FLT4: variants seen among roughly 807,000 people sequenced by gnomAD.
FLT4 encodes the protein vascular endothelial growth factor receptor 3.
A neutral mutation model predicts 163.2 loss-of-function variants in FLT4; 30 were observed. The observed-to-expected ratio is 0.18, with a 90% CI of 0.14 to 0.25. The LOEUF is 0.25. FLT4 is among the 10% of genes least tolerant of loss of function. The pLI is 1.00. For synonymous variants in FLT4, 884 were observed against 789.5 expected (o/e 1.12, Z -2.01); for missense variants, 1,510 against 1,863.8 (o/e 0.81, Z 3.50).
chr5:180,614,688 A>G (rs1002839912), intron 23 of FLT4, among the ~76,000 whole-genome samples: 3 of 147,134 alleles, frequency 2.0e-5, no homozygotes, highest in Non-Finnish European at 4.6e-5. Context: ...CCTGAGGGCC[A>G]GGGCCCTTCT....
chr5:180,644,648 C>A (rs955399561), intron 1 of FLT4, among the ~76,000 whole-genome samples: 1 of 152,248 alleles, frequency 6.6e-6, no homozygotes. Context: ...ATAAGGTCTG[C>A]GTGACGAGGT....
intron 11 of FLT4, 95 bp from the exon 12 acceptor site, chr5:180,622,934 C>CA (rs1015036854): frequency 1.5e-5 from 12 of 789,112 alleles, no homozygotes; most frequent in Admixed American, 8.0e-5. Flanking sequence ...CACCACCCCC[C>CA]CCAATCATGG....
rs1764019520 is a variant in FLT4 at position 180,630,503 on chromosome 5, G to C, written c.400+52C>G. On this transcript the variant is annotated intron_variant, in intron 3 of 29. Transcript: ENST00000261937. The surrounding 1 kb of genome is among the most constrained non-coding windows in gnomAD (Gnocchi z 6.3). ...GGGTCCACAGGCTGGGGGCGGTGTG[G>C]GCCCCAGCTGCCCGGGACCCTGCTC... 3.1e-6 allele frequency: 5 copies of C among 1,608,752 alleles called. No individual in the cohort carries two copies. The highest frequency in any genetic ancestry group is 3.4e-6 in the Non-Finnish European group (4 of 1,178,672).
At chr5:180,605,899 G>A (rs1416564302) in intron 29 of FLT4, among the ~76,000 whole-genome samples, 1 of 152,228 alleles carries the variant, frequency 6.6e-6, no homozygotes, top group African/African-American at 2.4e-5. Context: ...GCTGGATGAT[G>A]TAACCCAGGA....
chr5:180,642,894 A>G, intron 1 of FLT4, among the ~76,000 whole-genome samples: 1 of 152,192 alleles, frequency 6.6e-6, no homozygotes, highest in East Asian at 1.9e-4. Context: ...GCGTGCACCG[A>G]GCACTGTCCA....
chr5:180,606,246 T>C (rs76015700), intron 29 of FLT4, among the ~76,000 whole-genome samples: 2,949 of 152,104 alleles, frequency 0.019, 58 homozygotes, highest in Middle Eastern at 0.048. Flanking sequence ...CTTCTGGAAC[T>C]TTCTTCTTCC....
At chr5:180,629,655 C>G (rs746763754) in intron 6 of FLT4, 41 bp downstream of exon 6, 1 of 1,601,708 alleles carries the variant, frequency 6.2e-7, no homozygotes, top group African/African-American at 1.3e-5. Context: ...GTCACAGGGA[C>G]TCCTGGGGAC....
In FLT4 at chr5:180,616,898, A is replaced by G; in HGVS notation, c.3096+2T>C. 6.2e-7 allele frequency: 1 copy of G among 1,611,948 alleles called. No individual in the cohort carries two copies. The highest frequency in any genetic ancestry group is 1.3e-5 in the African/African-American group (1 of 74,928). ...TCTGAAGGGCCTTCGGGGGAAGCTC[A>G]CCTTTCGGGAAGCCAGGAACTCCAT... is the stretch of plus-strand genomic sequence containing the variant. On this transcript the variant is annotated splice_donor_variant, in intron 22 of 29. Transcript: ENST00000261937. LOFTEE classifies it high-confidence loss of function.
chr5:180,613,986 C>A, intron 24 of FLT4, 82 bp downstream of exon 24: 1 of 984,086 alleles, frequency 1.0e-6, no homozygotes, highest in Non-Finnish European at 1.6e-6. Flanking sequence ...TGCCCAGTCC[C>A]TTACTCCAGC....
intron 29 of FLT4, among the ~76,000 whole-genome samples, chr5:180,605,450 T>C (rs961852608): frequency 1.3e-5 from 2 of 152,206 alleles, no homozygotes; most frequent in Non-Finnish European, 2.9e-5. Context: ...TTTTGAACAA[T>C]TGTCTACCGG....
rs1763320612 is a variant in FLT4 at position 180,623,367 on chromosome 5, G to C, written c.1549-528C>G. Among the ~76,000 whole-genome samples the C allele has an allele frequency of 6.6e-6, 1 of 152,176 alleles. No homozygotes were observed. Among genetic ancestry groups the C allele is most frequent in the Admixed American group, 6.5e-5 (1 of 15,278 alleles). ...GGCTCCCAGAAGGACTGAGGCCTCA[G>C]GGAGTAGGAAGCCTGAGACACAGGG... On this transcript the variant is annotated intron_variant, in intron 11 of 29. Transcript: ENST00000261937. The surrounding 1 kb of genome is among the most constrained non-coding windows in gnomAD (Gnocchi z 5.8).
At chr5:180,650,085 G>C (rs529393195), upstream of FLT4, among the ~76,000 whole-genome samples, 72 of 150,884 alleles carry the variant, frequency 4.8e-4, no homozygotes, top group Admixed American at 1.1e-3. Flanking sequence ...TTCTCGGGGG[G>C]GCTGAGGCAG....
chr5:180,640,414 C>G (rs10479473), intron 1 of FLT4, among the ~76,000 whole-genome samples: 1 of 152,108 alleles, frequency 6.6e-6, no homozygotes, highest in African/African-American at 2.4e-5. Flanking sequence ...GGCAGAGGCT[C>G]AGGCCAGACC....
chr5:180,608,367 G>GC, intron 29 of FLT4: 1 of 699,828 alleles, frequency 1.4e-6, no homozygotes, highest in Admixed American at 2.0e-5. Flanking sequence ...TCCTGACCCT[G>GC]CCCCCTTGTC....
chr5:180,614,826 T>C (rs1762512210), intron 23 of FLT4, among the ~76,000 whole-genome samples: 1 of 152,142 alleles, frequency 6.6e-6, no homozygotes, highest in South Asian at 2.1e-4. Flanking sequence ...CTGGGCTGGA[T>C]GGCTCATCAA....
Position 180,636,423 on chromosome 5 carries a change from C to T in FLT4, c.59-4645G>A, listed in dbSNP as rs1764696559. Among the ~76,000 whole-genome samples the T allele has an allele frequency of 6.6e-6, 1 of 152,128 alleles. No individual in the cohort carries two copies. The highest frequency in any genetic ancestry group is 6.5e-5 in the Admixed American group (1 of 15,272). On this transcript the variant is annotated intron_variant, in intron 1 of 29. Transcript: ENST00000261937. The surrounding 1 kb of genome is among the most constrained non-coding windows in gnomAD (Gnocchi z 4.3). ...GAACTCCTCGCAGCCACCTGCCCTC[C>T]CTACAGCAGTCCCTCTGAGGGTCCT...
intron 29 of FLT4, among the ~76,000 whole-genome samples, chr5:180,604,484 C>T (rs1282465899): frequency 6.6e-6 from 1 of 152,224 alleles, no homozygotes; most frequent in Non-Finnish European, 1.5e-5. Flanking sequence ...CCACCCTGGC[C>T]TCCTGGTGGT....
chr5:180,618,968 G>A lies in FLT4; in HGVS notation c.2851-48C>T, dbSNP rs772658558. 65 of 1,556,592 alleles carry A rather than the reference G, an allele frequency of 4.2e-5. 1 individual carries two copies. The East Asian group carries it at 1.1e-3, about 26-fold the overall frequency. On this transcript the variant is annotated intron_variant, in intron 20 of 29. Coordinates refer to ENST00000261937, the MANE Select transcript of FLT4 (RefSeq NM_182925.5). Reference sequence around the variant, plus strand: ...CGAGGGCGCCCAGTCGTCCGCCGCAGAGGCGCCTCCATTCCCCCGCCGCCC... The same window carrying A: ...CGAGGGCGCCCAGTCGTCCGCCGCAAAGGCGCCTCCATTCCCCCGCCGCCC...
chr5:180,629,477 C>T (rs2127834767), intron 6 of FLT4, 50 bp from the exon 7 acceptor site: 3 of 1,599,700 alleles, frequency 1.9e-6, no homozygotes, highest in Non-Finnish European at 2.6e-6. Flanking sequence ...TCCTGCACAG[C>T]TACCCCACCG....
Sources: gnomAD v4.1 joint callset for allele counts (sites outside exome capture counted in the v4.1 genomes callset) on GRCh38, gnomAD v4.1.1 for gene constraint, Gnocchi (gnomAD v3.1) non-coding constraint, MANE v1.5 for transcripts, NCBI Gene and HGNC (gene_info 2026-07-23, HGNC 2026-07-21) for gene names.